The following FAM81A variants were observed in gnomAD, a reference collection of about 807,000 sequenced individuals.
FAM81A encodes the protein protein FAM81A.
FAM81A carries 19 observed loss-of-function variants against 46.7 expected under a neutral mutation model. That is an observed-to-expected ratio of 0.41 (90% confidence interval 0.28 to 0.60). The LOEUF (loss-of-function observed/expected upper bound fraction) is 0.60, where lower values mean the gene tolerates loss of function less well. Among genes scored for constraint, FAM81A ranks in the 20% least tolerant of loss-of-function variants. The pLI is 0.34. For synonymous variants in FAM81A, 183 were observed against 152.9 expected, an observed-to-expected ratio of 1.20 and a Z score of -1.45; for missense variants, 377 against 453.5, an observed-to-expected ratio of 0.83 and a Z score of 1.53.
intron 4 of FAM81A, among the ~76,000 whole-genome samples, chr15:59,502,570 A>G (rs1173072403): frequency 8.7e-5 from 13 of 149,618 alleles, no homozygotes; most frequent in East Asian, 5.9e-4. Context: ...CTGGAGTGCA[A>G]TGGCGCGATC....
At chr15:59,512,581 T>C (rs1232911079) in intron 6 of FAM81A, among the ~76,000 whole-genome samples, 2 of 151,922 alleles carry the variant, frequency 1.3e-5, no homozygotes, top group Admixed American at 1.3e-4. Flanking sequence ...TAATGGTTAC[T>C]TCTTGGGTTG....
intron 6 of FAM81A, among the ~76,000 whole-genome samples, chr15:59,510,511 A>G (rs2082195195): frequency 6.6e-6 from 1 of 151,314 alleles, no homozygotes; most frequent in Admixed American, 6.6e-5. Context: ...AATTAGACCA[A>G]TGCTGATTTC....
intron 3 of FAM81A, among the ~76,000 whole-genome samples, chr15:59,490,614 T>C (rs1193992252): frequency 6.6e-6 from 1 of 152,114 alleles, no homozygotes; most frequent in Non-Finnish European, 1.5e-5. Flanking sequence ...GGTGGATTAC[T>C]TGAAGCCAGG....
chr15:59,417,062 T>G (rs1259531512), intron 2 of FAM81A, among the ~76,000 whole-genome samples: 1 of 151,464 alleles, frequency 6.6e-6, no homozygotes, highest in African/African-American at 2.4e-5. Flanking sequence ...GGGGGAGACA[T>G]GGGGAAGGAG....
rs371971984 is a variant in FAM81A, at chr15:59,523,351, G to A, written c.*1973G>A. 3 of 152,218 alleles carry A rather than the reference G, an allele frequency of 2.0e-5. No individual in the cohort carries two copies. Among genetic ancestry groups the A allele is most frequent in the Admixed American group, 1.3e-4 (2 of 15,272 alleles). The allele number at this position is 152,218 out of a possible 1,614,324, so 9.4% of individuals were successfully genotyped here. ...GATGCCCCGCTGTGCCTCCCAGACC[G>A]ATTAAGTCAGAACCTCTGGGAGGTG... On this transcript the variant is annotated 3_prime_UTR_variant, in exon 9 of 9. Transcript: ENST00000288228.
intron 3 of FAM81A, among the ~76,000 whole-genome samples, chr15:59,468,584 T>C (rs1422417445): frequency 6.6e-6 from 1 of 152,138 alleles, no homozygotes; most frequent in African/African-American, 2.4e-5. Flanking sequence ...TTGCATCTAT[T>C]TGATTCTTCT....
At chr15:59,486,178 G>GAAAC in intron 3 of FAM81A, among the ~76,000 whole-genome samples, 1 of 151,960 alleles carries the variant, frequency 6.6e-6, no homozygotes, top group African/African-American at 2.4e-5. Flanking sequence ...ACACTCTGAA[G>GAAAC]AAAGAAAGAA....
chr15:59,498,583 C>T (rs1456883424), intron 4 of FAM81A, among the ~76,000 whole-genome samples: 1 of 152,174 alleles, frequency 6.6e-6, no homozygotes, highest in Non-Finnish European at 1.5e-5. Flanking sequence ...AGAGCAGATA[C>T]TCTTGTCTTG....
At chr15:59,465,554 T>C (rs1596493812) in intron 3 of FAM81A, among the ~76,000 whole-genome samples, 1 of 152,244 alleles carries the variant, frequency 6.6e-6, no homozygotes, top group East Asian at 1.9e-4. Context: ...ATTACGGGCA[T>C]GAGCCATTGC....
At chr15:59,513,691 A>G (rs1249785726) in intron 6 of FAM81A, among the ~76,000 whole-genome samples, 4 of 152,218 alleles carry the variant, frequency 2.6e-5, no homozygotes, top group African/African-American at 9.6e-5. Context: ...TGTTAGAACC[A>G]GAAATACCAT....
intron 3 of FAM81A, among the ~76,000 whole-genome samples, chr15:59,471,587 A>T (rs1433404989): frequency 1.3e-5 from 2 of 151,924 alleles, no homozygotes; most frequent in East Asian, 3.9e-4. Flanking sequence ...TTCAGCCTCT[A>T]AGTAGCTGGG....
At chr15:59,454,913 G>T (rs1224790055) in intron 1 of FAM81A, among the ~76,000 whole-genome samples, 2 of 149,818 alleles carry the variant, frequency 1.3e-5, no homozygotes, top group African/African-American at 2.5e-5. Context: ...GACTACAGGT[G>T]TGTGCCTCCA....
intron 3 of FAM81A, among the ~76,000 whole-genome samples, chr15:59,478,940 T>C (rs2081809509): frequency 6.6e-6 from 1 of 152,200 alleles, no homozygotes; most frequent in Non-Finnish European, 1.5e-5. Context: ...CAGCTAGAGA[T>C]AGTCTCTAAG....
chr15:59,482,053 C>T (rs2081859445), intron 3 of FAM81A, among the ~76,000 whole-genome samples: 1 of 152,086 alleles, frequency 6.6e-6, no homozygotes, highest in Non-Finnish European at 1.5e-5. Context: ...CAGCCTCTCC[C>T]ACTATCAACA....
At chr15:59,406,470 C>G (rs1284616274) in intron 2 of FAM81A, among the ~76,000 whole-genome samples, 2 of 152,146 alleles carry the variant, frequency 1.3e-5, no homozygotes, top group African/African-American at 2.4e-5. Context: ...AATCAGTTAC[C>G]TACACTAACT....
At chr15:59,402,394 T>C (rs1480121158) in intron 2 of FAM81A, 1 of 152,930 alleles carries the variant, frequency 6.5e-6, no homozygotes, top group Non-Finnish European at 1.5e-5. Context: ...TCTGCTTGTA[T>C]TCTTCTGCCT....
At chr15:59,435,489 G>T (rs542737701), upstream of FAM81A, among the ~76,000 whole-genome samples, 15 of 151,932 alleles carry the variant, frequency 9.9e-5, no homozygotes, top group Middle Eastern at 3.4e-3. Context: ...GCATGGTGGC[G>T]TACGTCTGTA....
chr15:59,442,636 A>AAAAAG (rs1392911454), intron 1 of FAM81A, among the ~76,000 whole-genome samples: 44 of 150,034 alleles, frequency 2.9e-4, no homozygotes, highest in African/African-American at 9.4e-4. Context: ...AAAAAAAAAA[A>AAAAAG]AAAAGAAAAG....
upstream of FAM81A, among the ~76,000 whole-genome samples, chr15:59,435,559 G>T (rs1387133728): frequency 6.6e-6 from 1 of 152,236 alleles, no homozygotes; most frequent in Non-Finnish European, 1.5e-5. Context: ...GGCAGAGGTT[G>T]CAGTGAGCCA....
Sources: gnomAD v4.1 joint callset for allele counts (sites outside exome capture counted in the v4.1 genomes callset) on GRCh38, gnomAD v4.1.1 for gene constraint, MANE v1.5 for transcripts, NCBI Gene and HGNC (gene_info 2026-07-23, HGNC 2026-07-21) for gene names.